The following CREB5 variants were observed in gnomAD, a reference collection of about 807,000 sequenced individuals.
CREB5 encodes the protein cyclic AMP-responsive element-binding protein 5.
Under a neutral mutation model 57.1 loss-of-function variants are expected in CREB5, and 19 were observed. That is an observed-to-expected ratio of 0.33 (90% CI 0.23 to 0.49). CREB5 has a LOEUF of 0.49. CREB5 is among the 20% of genes least tolerant of loss of function. The probability of loss-of-function intolerance (pLI) is 0.99; values close to 1 mark genes in which losing one functional copy is unlikely to be tolerated. For missense variants in CREB5, 579 were observed against 671.6 expected (o/e 0.86, Z 1.52); for synonymous variants, 238 against 238.3 (o/e 1.00, Z 0.01).
chr7:28,357,343 T>A (rs1414434697), intron 1 of CREB5, among the ~76,000 whole-genome samples: 1 of 152,206 alleles, frequency 6.6e-6, no homozygotes, highest in East Asian at 1.9e-4. Flanking sequence ...CTGAGTTTCC[T>A]TTCTTTTCTT....
At chr7:28,711,743 T>C (rs955929367) in intron 5 of CREB5, among the ~76,000 whole-genome samples, 1 of 152,216 alleles carries the variant, frequency 6.6e-6, no homozygotes, top group African/African-American at 2.4e-5. Flanking sequence ...CATTTGCCTC[T>C]GTAGAAGGGT....
At chr7:28,747,150 G>A (rs1460373364) in intron 7 of CREB5, among the ~76,000 whole-genome samples, 1 of 151,826 alleles carries the variant, frequency 6.6e-6, no homozygotes, top group Non-Finnish European at 1.5e-5. Flanking sequence ...ATAATATGAG[G>A]GTTGCCAGTG....
At chr7:28,337,717 T>C (rs993710464) in intron 1 of CREB5, among the ~76,000 whole-genome samples, 29 of 152,234 alleles carry the variant, frequency 1.9e-4, no homozygotes, top group Admixed American at 3.3e-4. Context: ...TATTGATAAG[T>C]AAAAACATTC....
At position 28,804,309 on chromosome 7, in the gene CREB5, C is replaced by G. The variant is rs1222328951; in HGVS notation, c.813C>G (p.His271Gln). The G allele has an allele frequency of 6.2e-7, 1 of 1,613,984 alleles. No individual in the cohort carries two copies. The highest frequency in any genetic ancestry group is 8.5e-7 in the Non-Finnish European group (1 of 1,179,962). The change falls in exon 8 of 11, where the codon CAC (histidine) becomes CAG (glutamine). Residue 271 changes from histidine to glutamine, a missense_variant. His to Gln is a conservative substitution (Grantham distance 24). Around this residue, in one of 3 missense-constraint regions of CREB5, gnomAD observed 459 missense variants for 515.7 expected, o/e 0.89. Transcript: ENST00000357727. ...MMGSRQDQTP[H>Q]HHMHSHPHQH... ...GCTCCCGGCAGGACCAGACGCCACACCATCACATGCACTCGCACCCGCATC... is the reference window on the plus strand; with the variant it reads ...GCTCCCGGCAGGACCAGACGCCACAGCATCACATGCACTCGCACCCGCATC...
chr7:28,750,694 A>G (rs1361678629), intron 7 of CREB5, among the ~76,000 whole-genome samples: 1 of 152,178 alleles, frequency 6.6e-6, no homozygotes, highest in Non-Finnish European at 1.5e-5. Flanking sequence ...ATTAAGCCTC[A>G]TTTTGATGTT....
intron 2 of CREB5, 53 bp from the exon 3 acceptor site, chr7:28,494,853 T>A (rs1318759737): frequency 1.6e-6 from 2 of 1,225,912 alleles, no homozygotes; most frequent in Non-Finnish European, 2.2e-6. Flanking sequence ...ATATGTTTTT[T>A]AAAACTGAAT....
At chr7:28,634,134 C>T (rs780453326) in intron 5 of CREB5, among the ~76,000 whole-genome samples, 11 of 152,178 alleles carry the variant, frequency 7.2e-5, no homozygotes, top group Admixed American at 6.5e-4. Flanking sequence ...CCCATTATAC[C>T]CTTGTAAAAT....
intron 3 of CREB5, among the ~76,000 whole-genome samples, chr7:28,497,789 A>T (rs1792116911): frequency 6.6e-6 from 1 of 152,136 alleles, no homozygotes; most frequent in Non-Finnish European, 1.5e-5. Flanking sequence ...TTCTCCAGGA[A>T]ATCCTTCAGT....
chr7:28,503,310 G>A (rs1203214333), intron 3 of CREB5, among the ~76,000 whole-genome samples: 7 of 152,004 alleles, frequency 4.6e-5, no homozygotes, highest in African/African-American at 1.7e-4. Context: ...AACAACTTTC[G>A]GTTCTTTTGA....
intron 4 of CREB5, among the ~76,000 whole-genome samples, chr7:28,511,607 C>A (rs898042837): frequency 6.6e-6 from 1 of 152,214 alleles, no homozygotes; most frequent in Non-Finnish European, 1.5e-5. Context: ...ACCTCAGCCT[C>A]CCAAGTAGCT....
At chr7:28,413,092 A>ATGTGTGTGTG (rs10599936) in intron 1 of CREB5, among the ~76,000 whole-genome samples, 175 bp downstream of exon 1, 1,611 of 147,310 alleles carry the variant, frequency 0.011, 15 homozygotes, top group East Asian at 0.015. Flanking sequence ...ATGTGGAAGG[A>ATGTGTGTGTG]TGTGTGTGTG....
chr7:28,516,110 A>C (rs1478452285), intron 4 of CREB5, among the ~76,000 whole-genome samples: 1 of 152,058 alleles, frequency 6.6e-6, no homozygotes, highest in African/African-American at 2.4e-5. Context: ...GCTGCTTGGG[A>C]GGCTGAGGCA....
At chr7:28,452,052 A>G (rs1413839350) in intron 1 of CREB5, among the ~76,000 whole-genome samples, 1 of 152,196 alleles carries the variant, frequency 6.6e-6, no homozygotes, top group East Asian at 1.9e-4. Context: ...TTCCTTCATC[A>G]TCTATTGGTC....
intron 1 of CREB5, among the ~76,000 whole-genome samples, chr7:28,395,843 T>G (rs1787324623): frequency 6.6e-6 from 1 of 151,700 alleles, no homozygotes; most frequent in African/African-American, 2.4e-5. Context: ...TCCTCAGAAA[T>G]CAGATTGGCA....
chr7:28,810,776 C>T (rs968379852), intron 9 of CREB5, among the ~76,000 whole-genome samples: 1 of 152,110 alleles, frequency 6.6e-6, no homozygotes, highest in Non-Finnish European at 1.5e-5. Context: ...TCTGTGCATC[C>T]TTAGAAAGGA....
chr7:28,768,774 A>T (rs17730411), intron 7 of CREB5, among the ~76,000 whole-genome samples: 6,918 of 152,286 alleles, frequency 0.045, 224 homozygotes, highest in Middle Eastern at 0.075. Flanking sequence ...CCCACCATTG[A>T]TGATGCCACT....
At chr7:28,427,514 T>G (rs1189704780) in intron 1 of CREB5, among the ~76,000 whole-genome samples, 1 of 152,078 alleles carries the variant, frequency 6.6e-6, no homozygotes, top group Non-Finnish European at 1.5e-5. Flanking sequence ...AAATCTTCCT[T>G]TAGGGTTGAG....
chr7:28,540,496 C>T (rs527356979), intron 4 of CREB5, among the ~76,000 whole-genome samples: 60 of 152,222 alleles, frequency 3.9e-4, no homozygotes, highest in South Asian at 8.3e-4. Flanking sequence ...ACAAGGGATA[C>T]GGGAGGAGGC....
chr7:28,511,955 G>A (rs1315669528), intron 4 of CREB5, among the ~76,000 whole-genome samples: 1 of 152,168 alleles, frequency 6.6e-6, no homozygotes. Context: ...GCTCAAGGTG[G>A]AGATGGAGGC....
Sources: gnomAD v4.1 joint callset for allele counts (sites outside exome capture counted in the v4.1 genomes callset) on GRCh38, gnomAD v4.1.1 for gene constraint, gnomAD v4.1.1 regional missense constraint, MANE v1.5 for transcripts, NCBI Gene and HGNC (gene_info 2026-07-23, HGNC 2026-07-21) for gene names.